The following F5 variants were observed in gnomAD, a reference collection of about 807,000 sequenced individuals.
F5 encodes activated protein c cofactor.
In F5, 138 loss-of-function variants were observed where a neutral mutation model predicts 216.4. The observed-to-expected ratio is 0.64, with a 90% CI of 0.56 to 0.73. The LOEUF is 0.73. F5 is among the 30% of genes least tolerant of loss of function. F5 has a pLI of 0.00. For synonymous variants in F5, 916 were observed against 930.7 expected, an observed-to-expected ratio of 0.98 and a Z score of 0.29; for missense variants, 2,403 against 2,674.0, an observed-to-expected ratio of 0.90 and a Z score of 2.24.
At chr1:169,526,545 C>T (rs1389715745) in intron 17 of F5, among the ~76,000 whole-genome samples, 1 of 152,114 alleles carries the variant, frequency 6.6e-6, no homozygotes, top group Non-Finnish European at 1.5e-5. Context: ...CTCTGGCTAT[C>T]CATTCTGGTA....
chr1:169,585,419 C>G (rs1276225196), intron 1 of F5, among the ~76,000 whole-genome samples: 1 of 152,062 alleles, frequency 6.6e-6, no homozygotes, highest in African/African-American at 2.4e-5. Context: ...GCAGGTTTAC[C>G]ATTTAAAAAA....
At position 169,540,589 on chromosome 1, in the gene F5, T is replaced by G. The variant is rs1557914285; in HGVS notation, c.4501A>C (p.Thr1501Pro). Residue 1501 changes from threonine (T) to proline (P), a missense_variant, in exon 13 of 25, where the codon ACT becomes CCT. Around this residue, in one of 4 missense-constraint regions of F5, gnomAD observed 293 missense variants for 270.8 expected, o/e 1.08. Coordinates refer to ENST00000367797, the MANE Select transcript of F5 (RefSeq NM_000130.5). ...PSPSSPTLND[T>P]FLSKEFNPLV... ...GGATTAAATTCCTTTGATAGAAAAG[T>G]ATCATTGAGAGTAGGAGATGAAGGA... is the stretch of plus-strand genomic sequence containing the variant. The G allele has an allele frequency of 6.2e-7, 1 of 1,613,976 alleles. No homozygotes were observed. The highest frequency in any genetic ancestry group is 8.5e-7 in the Non-Finnish European group (1 of 1,179,952).
intron 2 of F5, among the ~76,000 whole-genome samples, chr1:169,579,894 T>C (rs1012838558): frequency 1.3e-5 from 2 of 152,132 alleles, no homozygotes; most frequent in Non-Finnish European, 2.9e-5. Context: ...CCTGCTGAAA[T>C]CCTTTTAGGG....
At chr1:169,537,756 A>T (rs899619799) in intron 13 of F5, among the ~76,000 whole-genome samples, 1 of 152,182 alleles carries the variant, frequency 6.6e-6, no homozygotes, top group Non-Finnish European at 1.5e-5. Flanking sequence ...AATCAGAGAA[A>T]TGCAATTTAA....
In F5 at chr1:169,530,133, A is replaced by G. The variant is rs563466234; in HGVS notation, c.5209-315T>C. On this transcript the variant is annotated intron_variant, in intron 15 of 24. Transcript: ENST00000367797. ...TGCAATCTCCCATTTAATCCTGACA[A>G]CTATCTTATATGGTAAATATAAATT... 1.4e-3 allele frequency among the ~76,000 whole-genome samples: 218 copies of G among 152,300 alleles called. 2 individuals are homozygous for G. Among genetic ancestry groups the G allele is most frequent in the African/African-American group, 4.9e-3 (204 of 41,572 alleles).
At chr1:169,570,482 CT>C (rs1367997734) in intron 3 of F5, among the ~76,000 whole-genome samples, 1 of 152,088 alleles carries the variant, frequency 6.6e-6, no homozygotes, top group Admixed American at 6.6e-5. Flanking sequence ...ATAGGAGAAA[CT>C]CCTGTTCCCA....
At position 169,514,175 on chromosome 1, in the gene F5, A is replaced by G. The variant is rs1465916091; in HGVS notation, c.*138T>C. The G allele has an allele frequency of 1.2e-6, 1 of 867,584 alleles. No individual in the cohort carries two copies. The allele number at this position is 867,584 out of a possible 1,614,324, so 53.7% of individuals were successfully genotyped here. A position where few individuals can be genotyped will look rare whatever the true frequency, so the allele number is the denominator to read the frequency against. On this transcript the variant is annotated 3_prime_UTR_variant, in exon 25 of 25. Coordinates refer to ENST00000367797, the MANE Select transcript of F5 (RefSeq NM_000130.5). The stretch of plus-strand genomic sequence containing the variant: ...GTTACATTATAAAAGCTTCTTGTAT[A>G]AAATTTTATTCACTAATAGAAAAGA...
chr1:169,518,861 T>C (rs1489513208), intron 22 of F5, among the ~76,000 whole-genome samples: 41 of 152,184 alleles, frequency 2.7e-4, no homozygotes, highest in Non-Finnish European at 8.8e-5. Context: ...CCAAATACCA[T>C]GTTCTAAACA....
chr1:169,560,902 G>A, intron 3 of F5, 136 bp from the exon 4 acceptor site: 1 of 765,396 alleles, frequency 1.3e-6, no homozygotes, highest in Non-Finnish European at 2.3e-6. Context: ...TTATTATTTG[G>A]AAAGATTCAC....
Position 169,531,018 on chromosome 1 carries a change from C to T in F5, c.4976G>A (p.Arg1659His), listed in dbSNP as rs368401109. 2.1e-5 allele frequency: 34 copies of T among 1,609,192 alleles called. No individual in the cohort carries two copies. The highest frequency in any genetic ancestry group is 6.7e-5 in the African/African-American group (5 of 74,782). ...CGGTCTGGATGCTAAATTTTTAAAACGAACCTAGGAAAAGGAATGATCCAC... is the reference window on the plus strand; with the variant it reads ...CGGTCTGGATGCTAAATTTTTAAAATGAACCTAGGAAAAGGAATGATCCAC... ...RAEVDDVIQV[R>H]FKNLASRPYS... The change falls in exon 15 of 25, where the codon CGT (arginine) becomes CAT (histidine). Residue 1659 changes from arginine (R) to histidine (H), a missense_variant. By Grantham distance (29) the Arg-to-His change is conservative. Coordinates refer to ENST00000367797, the MANE Select transcript of F5 (RefSeq NM_000130.5).
intron 11 of F5, 53 bp from the exon 12 acceptor site, chr1:169,544,561 G>A (rs1049110101): frequency 7.0e-7 from 1 of 1,430,498 alleles, no homozygotes; most frequent in African/African-American, 1.4e-5. Flanking sequence ...AAAAGGGCAT[G>A]TGTCTAATTA....
At chr1:169,570,084 A>G (rs887166707) in intron 3 of F5, among the ~76,000 whole-genome samples, 2 of 152,134 alleles carry the variant, frequency 1.3e-5, no homozygotes, top group African/African-American at 4.8e-5. Context: ...TACTTTCCCT[A>G]CCAATATGTA....
Position 169,541,787 on chromosome 1 carries a change from A to T in F5, c.3303T>A (p.Asn1101Lys). The change falls in exon 13 of 25, where the codon AAT (asparagine) becomes AAA (lysine). Residue 1101 changes from asparagine (N) to lysine (K), a missense_variant. Physicochemically the swap from Asn to Lys is moderately conservative, Grantham distance 94 (BLOSUM62 0). This residue lies in a region of F5 where 1,425 missense variants were observed against 1,554.8 expected (regional missense o/e 0.92). Coordinates refer to ENST00000367797, the MANE Select transcript of F5 (RefSeq NM_000130.5). ...FGWIASLPDH[N>K]QNSSNDTGQA... The stretch of plus-strand genomic sequence containing the variant: ...GACCAGTGTCATTTGAGGAATTCTG[A>T]TTATGGTCAGGAAGTGAGGCTATCC... 6.2e-7 allele frequency: 1 copy of T among 1,614,066 alleles called. No individual in the cohort carries two copies. Among genetic ancestry groups the T allele is most frequent in the South Asian group, 1.1e-5 (1 of 91,082 alleles).
rs200034607 is a variant in F5, at chr1:169,541,076, G to C, written c.4014C>G (p.Asn1338Lys). 6.3e-7 allele frequency: 1 copy of C among 1,585,090 alleles called. No individual in the cohort carries two copies. Among genetic ancestry groups the C allele is most frequent in the African/African-American group, 1.4e-5 (1 of 73,512 alleles). Reference sequence around the variant, plus strand: ...TTGTTTGACTGAGTTCTGGAGAGAGGTTTGTCTGGCTGAAGTCTAGAGAAA... The same window carrying C: ...TTGTTTGACTGAGTTCTGGAGAGAGCTTTGTCTGGCTGAAGTCTAGAGAAA... ...TTLSLDFSQT[N>K]LSPELSQTNL... is the part of the protein sequence containing the mutation. Residue 1338 changes from asparagine to lysine, a missense_variant, in exon 13 of 25, where the codon AAC becomes AAG. Coordinates refer to ENST00000367797, the MANE Select transcript of F5 (RefSeq NM_000130.5).
rs770075335 is a variant in F5, at chr1:169,560,724, TC to T, written c.415del (p.Asp139ThrfsTer40). ...LDHTFPAEKM[D>X]DAVAPGREYT... ...TTCTCGGCCTGGAGCCACAGCGTCG[TC>T]CATCTTCTCCGCAGGGAATGTGTGG... On this transcript the variant is annotated frameshift_variant, in exon 4 of 25. Transcript: ENST00000367797. LOFTEE classifies it high-confidence loss of function. The T allele has an allele frequency of 6.2e-7, 1 of 1,612,898 alleles. No individual in the cohort carries two copies. The highest frequency in any genetic ancestry group is 8.5e-7 in the Non-Finnish European group (1 of 1,179,618).
rs1401033559 is a variant in F5 at position 169,541,485 on chromosome 1, G to T, written c.3605C>A (p.Thr1202Lys). Residue 1202 changes from threonine (T) to lysine (K), a missense_variant, in exon 13 of 25, where the codon ACA (threonine) becomes AAA (lysine). By Grantham distance (78) the Thr-to-Lys change is moderately conservative. Around this residue, in one of 4 missense-constraint regions of F5, gnomAD observed 1,425 missense variants for 1,554.8 expected, o/e 0.92. Transcript: ENST00000367797. ...QVTLSPELSQTNLSPDLSHTT... is the reference protein window; with the variant it reads ...QVTLSPELSQKNLSPDLSHTT... Reference sequence around the variant, plus strand: ...GTGGCTGAGGTCTGGAGAGAGGTTTGTCTGGCTGAGTTCTGGAGAGAGGGT... The same window carrying T: ...GTGGCTGAGGTCTGGAGAGAGGTTTTTCTGGCTGAGTTCTGGAGAGAGGGT... The T allele has an allele frequency of 6.2e-7, 1 of 1,613,768 alleles. No individual in the cohort carries two copies. The highest frequency in any genetic ancestry group is 8.5e-7 in the Non-Finnish European group (1 of 1,179,958).
chr1:169,553,154 A>G (rs1660213106), intron 7 of F5, among the ~76,000 whole-genome samples: 1 of 152,224 alleles, frequency 6.6e-6, no homozygotes, highest in African/African-American at 2.4e-5. Flanking sequence ...AACCCCAGGA[A>G]ACATTTACTA....
At chr1:169,556,061 T>A (rs1329041615) in intron 6 of F5, among the ~76,000 whole-genome samples, 1 of 152,186 alleles carries the variant, frequency 6.6e-6, no homozygotes, top group Non-Finnish European at 1.5e-5. Context: ...AACAATCAGT[T>A]ATTTTGTTTA....
intron 6 of F5, among the ~76,000 whole-genome samples, chr1:169,555,964 T>G (rs1660314546): frequency 6.6e-6 from 1 of 152,224 alleles, no homozygotes; most frequent in African/African-American, 2.4e-5. Flanking sequence ...CAAAATGATT[T>G]CCTATTGTGA....
Sources: gnomAD v4.1 joint callset for allele counts (sites outside exome capture counted in the v4.1 genomes callset) on GRCh38, gnomAD v4.1.1 for gene constraint, gnomAD v4.1.1 regional missense constraint, MANE v1.5 for transcripts, NCBI Gene and HGNC (gene_info 2026-07-23, HGNC 2026-07-21) for gene names.